GTF2A1: variants seen among roughly 807,000 people sequenced by gnomAD.
GTF2A1 encodes transcription initiation factor IIA subunit 1.
A neutral mutation model predicts 54.1 loss-of-function variants in GTF2A1; 12 were observed. The observed-to-expected ratio is 0.22, with a 90% CI of 0.14 to 0.36. The LOEUF (loss-of-function observed/expected upper bound fraction) is 0.36, where lower values mean the gene tolerates loss of function less well. Among genes scored for constraint, GTF2A1 ranks in the 10% least tolerant of loss-of-function variants. The pLI is 1.00. For synonymous variants in GTF2A1, 145 were observed against 152.0 expected (o/e 0.95, Z 0.34); for missense variants, 335 against 442.2 (o/e 0.76, Z 2.17).
chr14:81,218,263 A>C (rs575582523), intron 1 of GTF2A1, among the ~76,000 whole-genome samples: 2 of 152,318 alleles, frequency 1.3e-5, no homozygotes, highest in African/African-American at 4.8e-5. Context: ...TTGGAGATCC[A>C]GACATGTGTA....
intron 8 of GTF2A1, 110 bp downstream of exon 8, chr14:81,185,421 T>G (rs1832341469): frequency 1.6e-6 from 1 of 622,264 alleles, no homozygotes; most frequent in South Asian, 2.0e-5. Context: ...TCATAATGAA[T>G]TTAAGAGGCA....
chr14:81,188,274 G>GGAGGCT (rs1337484262), intron 7 of GTF2A1, among the ~76,000 whole-genome samples: 2 of 152,176 alleles, frequency 1.3e-5, no homozygotes, highest in Non-Finnish European at 1.5e-5. Flanking sequence ...CAGCTACTCA[G>GGAGGCT]GAGGCTGAGG....
In GTF2A1 at chr14:81,198,304, G is replaced by A. The variant is rs559326660; in HGVS notation, c.403-820C>T. 2.5e-4 allele frequency among the ~76,000 whole-genome samples: 38 copies of A among 152,210 alleles called. No individual in the cohort carries two copies. In the South Asian group the frequency reaches 7.1e-3, roughly 28 times the overall value. On this transcript the variant is annotated intron_variant, in intron 4 of 8. Coordinates refer to ENST00000553612, the MANE Select transcript of GTF2A1 (RefSeq NM_015859.4). Reference sequence around the variant, plus strand: ...TACAAAAAATACAAAAATTAGCTGAGCAGGGTGGTGCACACCTGTAGTCCC... The same window carrying A: ...TACAAAAAATACAAAAATTAGCTGAACAGGGTGGTGCACACCTGTAGTCCC...
chr14:81,182,675 CAAAGT>C (rs1373345059), intron 8 of GTF2A1, among the ~76,000 whole-genome samples: 2 of 152,318 alleles, frequency 1.3e-5, no homozygotes, highest in Admixed American at 6.5e-5. Flanking sequence ...ACAAAGAAAG[CAAAGT>C]AATCCTTTCA....
At chr14:81,191,611 A>C (rs971313640) in intron 7 of GTF2A1, among the ~76,000 whole-genome samples, 1 of 152,190 alleles carries the variant, frequency 6.6e-6, no homozygotes, top group Admixed American at 6.5e-5. Flanking sequence ...GCTATTTAGG[A>C]ATATAAATAT....
chr14:81,181,534 T>C (rs8007841), intron 8 of GTF2A1, among the ~76,000 whole-genome samples: 101,654 of 151,994 alleles, frequency 0.67, 34,467 homozygotes, highest in African/African-American at 0.77. Flanking sequence ...TCAACAGGTA[T>C]AGATATTTTC....
chr14:81,215,607 A>G lies in GTF2A1; in HGVS notation c.132+806T>C, dbSNP rs1410174452. Among the ~76,000 whole-genome samples the G allele has an allele frequency of 8.5e-5, 13 of 152,234 alleles. 1 individual carries two copies. Among genetic ancestry groups the G allele is most frequent in the Admixed American group, 8.5e-4 (13 of 15,280 alleles). Reference sequence around the variant, plus strand: ...TCCAAGATACAGAAAACCAGCTCTCAATGTAAAATATATTCAAAACATTCG... The same window carrying G: ...TCCAAGATACAGAAAACCAGCTCTCGATGTAAAATATATTCAAAACATTCG... On this transcript the variant is annotated intron_variant, in intron 2 of 8. Transcript: ENST00000553612.
intron 4 of GTF2A1, among the ~76,000 whole-genome samples, chr14:81,200,283 A>G (rs1317177518): frequency 2.6e-5 from 4 of 152,106 alleles, no homozygotes; most frequent in Non-Finnish European, 5.9e-5. Context: ...ATTCAGTATC[A>G]CTCACAAAGT....
chr14:81,183,114 C>T (rs1892672764), intron 8 of GTF2A1, among the ~76,000 whole-genome samples: 1 of 152,066 alleles, frequency 6.6e-6, no homozygotes, highest in South Asian at 2.1e-4. Flanking sequence ...ATCTATCTCC[C>T]CTGATTGGAG....
chr14:81,205,109 T>C (rs1042973038), intron 2 of GTF2A1, among the ~76,000 whole-genome samples: 3 of 147,844 alleles, frequency 2.0e-5, no homozygotes, highest in Non-Finnish European at 4.4e-5. Flanking sequence ...AGAGAGTTTC[T>C]TTATTTTTTT....
At chr14:81,204,246 A>G (rs976865654) in intron 2 of GTF2A1, 142 bp from the exon 3 acceptor site, 5 of 783,852 alleles carry the variant, frequency 6.4e-6, no homozygotes, top group Admixed American at 3.5e-5. Context: ...TGTAATTCTA[A>G]CCCAAGTGAA....
intron 2 of GTF2A1, among the ~76,000 whole-genome samples, chr14:81,207,191 C>CTACA (rs113087823): frequency 1.4e-5 from 2 of 145,058 alleles, no homozygotes; most frequent in Non-Finnish European, 3.0e-5. Context: ...ACCTACCTAC[C>CTACA]TGATATGGTT....
intron 7 of GTF2A1, among the ~76,000 whole-genome samples, chr14:81,188,559 C>T (rs1193932323): frequency 6.6e-6 from 1 of 151,988 alleles, no homozygotes; most frequent in African/African-American, 2.4e-5. Context: ...ATCACGAGGT[C>T]AGGAGATCGA....
Position 81,193,356 on chromosome 14 carries a change from G to A in GTF2A1, c.613-517C>T, listed in dbSNP as rs547370218. ...TAATTTTGTTATTTTTAGCAGAGAC[G>A]GGGTTTTGCCATGTTGGTCAGGCTG... is the stretch of plus-strand genomic sequence containing the variant. On this transcript the variant is annotated intron_variant, in intron 6 of 8. Transcript: ENST00000553612. Among the ~76,000 whole-genome samples, 57 of 152,118 alleles carry A rather than the reference G, an allele frequency of 3.7e-4. 1 individual carries two copies. In the South Asian group the frequency reaches 0.011, roughly 30 times the overall value.
intron 4 of GTF2A1, among the ~76,000 whole-genome samples, chr14:81,200,742 AG>A (rs1344496061): frequency 2.6e-5 from 4 of 152,180 alleles, no homozygotes; most frequent in African/African-American, 9.6e-5. Context: ...TTTAAATAAA[AG>A]TTTTGGCTGA....
chr14:81,183,309 T>A (rs1317408878), intron 8 of GTF2A1, among the ~76,000 whole-genome samples: 1 of 152,122 alleles, frequency 6.6e-6, no homozygotes, highest in Non-Finnish European at 1.5e-5. Flanking sequence ...ATTTCCAGCA[T>A]GAACCAAGTG....
chr14:81,196,989 A>C lies in GTF2A1; in HGVS notation c.478+420T>G, dbSNP rs536796040. Among the ~76,000 whole-genome samples the C allele has an allele frequency of 9.8e-5, 15 of 152,330 alleles. No individual in the cohort carries two copies. The East Asian group carries it at 2.7e-3, about 27-fold the overall frequency. ...ATATGCCAAAACACATGAGCTAGAC[A>C]TTGGTCTTTTGTCAATGAAGAGATA... On this transcript the variant is annotated intron_variant, in intron 5 of 8. Coordinates refer to ENST00000553612, the MANE Select transcript of GTF2A1 (RefSeq NM_015859.4).
At position 81,220,577 on chromosome 14, in the gene GTF2A1, CCA is replaced by C; in HGVS notation, c.-61_-60del. The C allele has an allele frequency of 1.5e-6, 2 of 1,350,066 alleles. No individual in the cohort carries two copies. The highest frequency in any genetic ancestry group is 2.0e-6 in the Non-Finnish European group (2 of 1,003,328). 83.6% of individuals were successfully genotyped at this position (1,350,066 alleles called of 1,614,324 possible). ...CCAAGAAAACAAGATAAAAACAAAACCAAAAAAAAAAAAACTATAACACCCGG... is the reference window on the plus strand; with the variant it reads ...CCAAGAAAACAAGATAAAAACAAAACAAAAAAAAAAAACTATAACACCCGG... On this transcript the variant is annotated 5_prime_UTR_variant, in exon 1 of 9. Coordinates refer to ENST00000553612, the MANE Select transcript of GTF2A1 (RefSeq NM_015859.4).
At chr14:81,196,872 T>C (rs1893003837) in intron 5 of GTF2A1, among the ~76,000 whole-genome samples, 1 of 152,074 alleles carries the variant, frequency 6.6e-6, no homozygotes, top group Admixed American at 6.6e-5. Flanking sequence ...TTAACAAAAA[T>C]AACATACACA....
Sources: allele counts gnomAD v4.1 joint callset (sites outside exome capture counted in the v4.1 genomes callset), GRCh38; gene constraint gnomAD v4.1.1; transcripts MANE v1.5; gene names NCBI Gene and HGNC (gene_info 2026-07-23, HGNC 2026-07-21).